FAF1: variants seen among roughly 807,000 people sequenced by gnomAD.
FAF1 encodes the protein FAS-associated factor 1.
A neutral mutation model predicts 92.5 loss-of-function variants in FAF1; 25 were observed. That is an observed-to-expected ratio of 0.27 (90% CI 0.20 to 0.38). The LOEUF (loss-of-function observed/expected upper bound fraction) is 0.38. Among genes scored for constraint, FAF1 ranks in the 10% least tolerant of loss-of-function variants. The pLI is 1.00. For synonymous variants in FAF1, 234 were observed against 273.2 expected (o/e 0.86, Z 1.42); for missense variants, 636 against 793.3 (o/e 0.80, Z 2.38).
At chr1:50,525,072 A>AGC (rs1427103563) in intron 15 of FAF1, among the ~76,000 whole-genome samples, 1 of 152,002 alleles carries the variant, frequency 6.6e-6, no homozygotes, top group Non-Finnish European at 1.5e-5. Flanking sequence ...TTTTAATAGA[A>AGC]GCAGGGTTTC....
chr1:50,797,008 T>C (rs1229288096), intron 3 of FAF1, among the ~76,000 whole-genome samples: 1 of 152,094 alleles, frequency 6.6e-6, no homozygotes, highest in Non-Finnish European at 1.5e-5. Context: ...TGGTGGCACA[T>C]GCCTGTAGTC....
intron 1 of FAF1, among the ~76,000 whole-genome samples, chr1:50,893,366 G>C (rs1644734258): frequency 1.3e-5 from 2 of 152,208 alleles, no homozygotes; most frequent in South Asian, 4.1e-4. Context: ...CTTCGGTGTT[G>C]TGATCTAAGT....
chr1:50,549,133 C>T (rs555104740), intron 13 of FAF1, among the ~76,000 whole-genome samples: 100 of 152,260 alleles, frequency 6.6e-4, no homozygotes, highest in African/African-American at 2.3e-3. Flanking sequence ...ATGCTTGCCA[C>T]TGTATTATAC....
chr1:50,772,807 A>G (rs1276747745), intron 4 of FAF1, among the ~76,000 whole-genome samples: 1 of 152,140 alleles, frequency 6.6e-6, no homozygotes, highest in African/African-American at 2.4e-5. Flanking sequence ...AGTGACACAC[A>G]ATTTACCTAT....
chr1:50,447,820 T>C (rs538656553), intron 18 of FAF1, among the ~76,000 whole-genome samples: 5 of 152,228 alleles, frequency 3.3e-5, no homozygotes, highest in African/African-American at 4.8e-5. Flanking sequence ...TTATAGACTA[T>C]GTACTTCAGA....
intron 1 of FAF1, among the ~76,000 whole-genome samples, chr1:50,927,296 G>A (rs1645013788): frequency 6.6e-6 from 1 of 152,048 alleles, no homozygotes; most frequent in African/African-American, 2.4e-5. Flanking sequence ...CTTACTGCAT[G>A]GGGACCAAGC....
intron 7 of FAF1, among the ~76,000 whole-genome samples, chr1:50,680,827 GT>G (rs1271496629): frequency 1.3e-5 from 2 of 152,114 alleles, no homozygotes; most frequent in African/African-American, 2.4e-5. Context: ...AATTTCGAGA[GT>G]TTTCATCTGT....
chr1:50,921,195 C>T (rs1320012908), intron 1 of FAF1, among the ~76,000 whole-genome samples: 1 of 152,252 alleles, frequency 6.6e-6, no homozygotes, highest in Non-Finnish European at 1.5e-5. Flanking sequence ...ACCGCCAGAG[C>T]CTGGGTGAGC....
At chr1:50,490,424 G>A (rs2149008186) in intron 17 of FAF1, among the ~76,000 whole-genome samples, 164 bp downstream of exon 17, 1 of 117,176 alleles carries the variant, frequency 8.5e-6, no homozygotes, top group African/African-American at 3.1e-5. Context: ...AGGAAGGAAG[G>A]AAGGAAGGAA....
At chr1:50,734,510 G>A (rs1156997718) in intron 6 of FAF1, among the ~76,000 whole-genome samples, 1 of 152,050 alleles carries the variant, frequency 6.6e-6, no homozygotes, top group Admixed American at 6.6e-5. Flanking sequence ...CGAGGCGGGT[G>A]GATCACGAGG....
intron 8 of FAF1, among the ~76,000 whole-genome samples, chr1:50,633,495 T>C (rs1171850494): frequency 1.3e-5 from 2 of 152,194 alleles, no homozygotes; most frequent in Non-Finnish European, 1.5e-5. Flanking sequence ...AAAGCTGTTA[T>C]CATTTTCTGA....
chr1:50,656,626 T>TA (rs1331992242), intron 7 of FAF1, among the ~76,000 whole-genome samples: 1 of 152,168 alleles, frequency 6.6e-6, no homozygotes, highest in Non-Finnish European at 1.5e-5. Context: ...CTCACGCCTG[T>TA]AATCCTAGCA....
intron 6 of FAF1, among the ~76,000 whole-genome samples, chr1:50,726,005 A>G (rs1253699428): frequency 6.6e-6 from 1 of 152,182 alleles, no homozygotes; most frequent in Non-Finnish European, 1.5e-5. Context: ...CTGTAACCCC[A>G]GCACTTTGGG....
intron 16 of FAF1, among the ~76,000 whole-genome samples, chr1:50,491,075 C>T (rs893165516): frequency 3.3e-5 from 5 of 152,136 alleles, no homozygotes; most frequent in Admixed American, 6.6e-5. Flanking sequence ...TTTCCTCTTC[C>T]CTCCTACTGC....
chr1:50,944,441 G>C (rs1645158355), intron 1 of FAF1, among the ~76,000 whole-genome samples: 1 of 152,302 alleles, frequency 6.6e-6, no homozygotes, highest in East Asian at 1.9e-4. Flanking sequence ...CAAGTGTCAG[G>C]ATTGCTGCTC....
chr1:50,765,428 C>T (rs971981369), intron 4 of FAF1, among the ~76,000 whole-genome samples: 2 of 152,044 alleles, frequency 1.3e-5, no homozygotes, highest in African/African-American at 4.8e-5. Flanking sequence ...TAGTATTAAA[C>T]CTTCATAATT....
intron 8 of FAF1, among the ~76,000 whole-genome samples, chr1:50,637,290 A>AT (rs1334071663): frequency 7.3e-5 from 11 of 150,286 alleles, no homozygotes; most frequent in African/African-American, 2.7e-4. Context: ...AAAAAAAAAA[A>AT]AAAAATACAA....
chr1:50,926,588 C>T (rs899379826), intron 1 of FAF1, among the ~76,000 whole-genome samples: 3 of 149,004 alleles, frequency 2.0e-5, no homozygotes, highest in Admixed American at 6.7e-5. Context: ...TAAATGTTCT[C>T]AACAAAAAAA....
intron 12 of FAF1, among the ~76,000 whole-genome samples, chr1:50,579,513 T>C (rs866494989): frequency 1.2e-4 from 19 of 152,246 alleles, no homozygotes; most frequent in Middle Eastern, 3.4e-3. Flanking sequence ...GTCTAATAAG[T>C]GATTGTTTAA....
Sources: allele counts gnomAD v4.1 joint callset (sites outside exome capture counted in the v4.1 genomes callset), GRCh38; gene constraint gnomAD v4.1.1; transcripts MANE v1.5; gene names NCBI Gene and HGNC (gene_info 2026-07-23, HGNC 2026-07-21).